The following PTGER3 variants were observed in gnomAD, a reference collection of about 807,000 sequenced individuals.
PTGER3 encodes prostaglandin E2 receptor EP3 subtype.
In PTGER3, 22 loss-of-function variants were observed where a neutral mutation model predicts 34.7. The observed-to-expected ratio is 0.63, with a 90% confidence interval of 0.45 to 0.91. The LOEUF (loss-of-function observed/expected upper bound fraction) is 0.91, where lower values mean the gene tolerates loss of function less well. Among genes scored for constraint, PTGER3 ranks in the 40% least tolerant of loss-of-function variants. The pLI, the probability that PTGER3 is intolerant of heterozygous loss-of-function variation, is 0.00. For missense variants in PTGER3, 468 were observed against 519.4 expected, an observed-to-expected ratio of 0.90 and a Z score of 0.96; for synonymous variants, 241 against 230.1, an observed-to-expected ratio of 1.05 and a Z score of -0.43.
At chr1:71,027,321 A>G (rs1659019737) in intron 1 of PTGER3, among the ~76,000 whole-genome samples, 1 of 151,966 alleles carries the variant, frequency 6.6e-6, no homozygotes, top group African/African-American at 2.4e-5. Flanking sequence ...TGCCGGGTTA[A>G]TTTTTTTCTT....
intron 4 of PTGER3, among the ~76,000 whole-genome samples, chr1:70,943,811 C>A (rs958482062): frequency 2.0e-5 from 3 of 150,018 alleles, no homozygotes; most frequent in African/African-American, 7.4e-5. Flanking sequence ...AAGACAAAGA[C>A]ATATCCTAAA....
chr1:71,009,837 G>T, intron 2 of PTGER3: 1 of 985,128 alleles, frequency 1.0e-6, no homozygotes, highest in Non-Finnish European at 1.2e-6. Context: ...ACGTCTTTCT[G>T]CTGTGACTAC....
chr1:71,000,682 C>CAG (rs1656391343), intron 2 of PTGER3, among the ~76,000 whole-genome samples: 2 of 152,200 alleles, frequency 1.3e-5, no homozygotes, highest in African/African-American at 4.8e-5. Flanking sequence ...TAAAGATTAT[C>CAG]AGATAGGTTT....
rs1372621295 is a variant in PTGER3 at position 70,970,889 on chromosome 1, T to C, written c.*841A>G. 2.0e-6 allele frequency: 2 copies of C among 978,182 alleles called. No homozygotes were observed. Among genetic ancestry groups the C allele is most frequent in the Non-Finnish European group, 2.4e-6 (2 of 823,366 alleles). 60.6% of individuals were successfully genotyped at this position (978,182 alleles called of 1,614,324 possible). On this transcript the variant is annotated 3_prime_UTR_variant, in exon 4 of 4. Coordinates refer to ENST00000306666, the MANE Select transcript of PTGER3 (RefSeq NM_198719.2). Reference sequence around the variant, plus strand: ...TATTCAACAACTGTTATTTATTAATTTTGCCTTTGTATATGCTGCCAGAAA... The same window carrying C: ...TATTCAACAACTGTTATTTATTAATCTTGCCTTTGTATATGCTGCCAGAAA...
chr1:70,940,186 C>G (rs1367874038), intron 4 of PTGER3, among the ~76,000 whole-genome samples: 2 of 152,190 alleles, frequency 1.3e-5, no homozygotes, highest in Non-Finnish European at 2.9e-5. Flanking sequence ...TAAAACATAA[C>G]AAGAGTCACC....
At chr1:70,981,415 CCTT>C (rs1466599417) in intron 2 of PTGER3, among the ~76,000 whole-genome samples, 1 of 121,550 alleles carries the variant, frequency 8.2e-6, no homozygotes, top group Non-Finnish European at 1.7e-5. Flanking sequence ...TTCCTTCCTT[CCTT>C]CTTTCTTTTC....
intron 4 of PTGER3, among the ~76,000 whole-genome samples, chr1:70,895,732 G>T (rs2100303666): frequency 6.6e-6 from 1 of 152,294 alleles, no homozygotes; most frequent in African/African-American, 2.4e-5. Flanking sequence ...ATAATTTTAG[G>T]TACAGAAGTG....
intron 2 of PTGER3, among the ~76,000 whole-genome samples, chr1:70,965,345 G>C (rs983515785): frequency 2.6e-5 from 4 of 151,994 alleles, no homozygotes; most frequent in Non-Finnish European, 5.9e-5. Context: ...TGGATGGAGG[G>C]GCCAGGACCA....
intron 1 of PTGER3, among the ~76,000 whole-genome samples, chr1:71,038,017 A>G (rs992204590): frequency 6.6e-6 from 1 of 152,210 alleles, no homozygotes; most frequent in Non-Finnish European, 1.5e-5. Flanking sequence ...GCAAGATGTT[A>G]CCAGTGAAAT....
At position 70,916,851 on chromosome 1, in the gene PTGER3, T is replaced by A. The variant is rs1223911413; in HGVS notation, c.*23+36912A>T. ...CTAAAGTAAAAGTTGAAAATTTTTT[T>A]TAAAAAGCTAACTTAATTTGTTTGG... On this transcript the variant is annotated intron_variant, in intron 4 of 4. Coordinates refer to the PTGER3 transcript ENST00000370931. Among the ~76,000 whole-genome samples the A allele has an allele frequency of 3.3e-5, 5 of 152,040 alleles. No individual in the cohort carries two copies. In the East Asian group the frequency reaches 9.6e-4, roughly 29 times the overall value.
intron 4 of PTGER3, among the ~76,000 whole-genome samples, chr1:70,933,597 C>A (rs1462352711): frequency 6.6e-6 from 1 of 152,050 alleles, no homozygotes; most frequent in African/African-American, 2.4e-5. Context: ...ATAGGAGGTA[C>A]CAAATAAACA....
chr1:70,917,356 C>A (rs904179500), intron 4 of PTGER3, among the ~76,000 whole-genome samples: 1 of 150,252 alleles, frequency 6.7e-6, no homozygotes, highest in East Asian at 2.0e-4. Flanking sequence ...TGTGTTGCTT[C>A]AAATGACAGG....
intron 4 of PTGER3, among the ~76,000 whole-genome samples, chr1:70,918,452 T>C (rs1403952786): frequency 1.3e-5 from 2 of 151,992 alleles, no homozygotes; most frequent in African/African-American, 4.8e-5. Flanking sequence ...AAACAATCAA[T>C]AAAGTGGAGA....
chr1:70,918,657 A>C (rs1255774893), intron 4 of PTGER3, among the ~76,000 whole-genome samples: 1 of 152,028 alleles, frequency 6.6e-6, no homozygotes, highest in Non-Finnish European at 1.5e-5. Flanking sequence ...GCCTCTTCAC[A>C]ATCTGGGCCT....
downstream of PTGER3, among the ~76,000 whole-genome samples, chr1:70,969,456 GA>G (rs1652865066): frequency 6.6e-6 from 1 of 151,960 alleles, no homozygotes. Flanking sequence ...GAGACCTGTG[GA>G]AAAAAATTAA....
chr1:70,944,897 C>T (rs1446711879), intron 4 of PTGER3, among the ~76,000 whole-genome samples: 1 of 152,008 alleles, frequency 6.6e-6, no homozygotes, highest in Non-Finnish European at 1.5e-5. Context: ...TATTTGCCTC[C>T]CAAAGGCCAA....
intron 4 of PTGER3, among the ~76,000 whole-genome samples, chr1:70,908,090 A>G (rs1455171018): frequency 1.3e-5 from 2 of 152,136 alleles, no homozygotes; most frequent in Non-Finnish European, 2.9e-5. Flanking sequence ...CCTCTGATTA[A>G]TTATACCCAC....
chr1:71,009,374 C>CATGATTA, intron 2 of PTGER3: 4 of 978,966 alleles, frequency 4.1e-6, no homozygotes, highest in Non-Finnish European at 4.9e-6. Context: ...TTAAATCTGG[C>CATGATTA]ATGATTAAAC....
In PTGER3 at chr1:70,860,195, T is replaced by C. The variant is rs980581128; in HGVS notation, c.*24-7336A>G. Among the ~76,000 whole-genome samples, 16 of 152,314 alleles carry C rather than the reference T, an allele frequency of 1.1e-4. No individual in the cohort carries two copies. In the South Asian group the frequency reaches 3.3e-3, roughly 32 times the overall value. ...CTAGAACTCCTACTTTTTTCTAAGA[T>C]AAATTTGTAACTAATTAAAAATAAT... On this transcript the variant is annotated intron_variant, in intron 4 of 4. Coordinates refer to the PTGER3 transcript ENST00000370931.
Sources: gnomAD v4.1 joint callset for allele counts (sites outside exome capture counted in the v4.1 genomes callset) on GRCh38, gnomAD v4.1.1 for gene constraint, MANE v1.5 for transcripts, NCBI Gene and HGNC (gene_info 2026-07-23, HGNC 2026-07-21) for gene names.